Variants in DNAH17 observed in about 807,000 individuals in gnomAD.
DNAH17 encodes the protein dynein axonemal heavy chain 17, also known as axonemal beta dynein heavy chain 17.
A neutral mutation model predicts 485.6 loss-of-function variants in DNAH17; 376 were observed. The ratio of observed to expected loss-of-function variants is 0.77; its 90% CI spans 0.71 to 0.84. The LOEUF (loss-of-function observed/expected upper bound fraction) is 0.84. Ranked by LOEUF, DNAH17 falls within the 40% of genes least tolerant of loss-of-function variation. DNAH17 has a pLI of 0.00. For synonymous variants in DNAH17, 3,031 were observed against 2,405.9 expected (o/e 1.26, Z -7.60); for missense variants, 6,370 against 5,839.3 (o/e 1.09, Z -2.96).
intron 33 of DNAH17, 67 bp from the exon 34 acceptor site, chr17:78,501,940 G>T: frequency 6.3e-7 from 1 of 1,599,320 alleles, no homozygotes; most frequent in Non-Finnish European, 8.5e-7. Context: ...TCTTGTGGCT[G>T]GGTGCCCACA....
chr17:78,466,743 C>G lies in DNAH17; in HGVS notation c.8852G>C (p.Cys2951Ser). ...CTCGTGGAACCAGTCGATGGCCGTG[C>G]AGTTGACCACAGCTGGGAACTTTCT... ...RARKFPAVVN[C>S]TAIDWFHEWP... is the part of the protein sequence containing the mutation. The change falls in exon 56 of 81, where the codon TGC becomes TCC. Residue 2951 changes from cysteine (C) to serine (S), a missense_variant. Coordinates refer to ENST00000389840, the MANE Select transcript of DNAH17 (RefSeq NM_173628.4). The G allele has an allele frequency of 6.2e-7, 1 of 1,612,568 alleles. No individual in the cohort carries two copies. Among genetic ancestry groups the G allele is most frequent in the African/African-American group, 1.3e-5 (1 of 74,952 alleles).
intron 72 of DNAH17, among the ~76,000 whole-genome samples, chr17:78,439,717 T>C (rs1012885525): frequency 7.1e-6 from 1 of 140,092 alleles, no homozygotes; most frequent in Non-Finnish European, 1.5e-5. Context: ...TCGCCCAGGC[T>C]GGAGTGCAGT....
At chr17:78,442,410 A>G (rs1453555610) in intron 71 of DNAH17, among the ~76,000 whole-genome samples, 1 of 152,204 alleles carries the variant, frequency 6.6e-6, no homozygotes, top group Middle Eastern at 3.2e-3. Flanking sequence ...GCCTCAGGCA[A>G]GGGTGGGGAG....
At chr17:78,424,223 G>T in intron 80 of DNAH17, 70 bp from the exon 81 acceptor site, 2 of 1,536,232 alleles carry the variant, frequency 1.3e-6, no homozygotes, top group South Asian at 1.2e-5. Flanking sequence ...CAGGAAGGGT[G>T]GGGTCCTCAC....
chr17:78,458,056 G>A (rs984424041), intron 62 of DNAH17, among the ~76,000 whole-genome samples: 3 of 152,042 alleles, frequency 2.0e-5, no homozygotes, highest in Non-Finnish European at 2.9e-5. Flanking sequence ...CGCCTGCCTC[G>A]GCCTCCCAAA....
In DNAH17 at chr17:78,445,511, T is replaced by C. The variant is rs1043160067; in HGVS notation, c.11334+47A>G. ...ATCCGCAGCATCAGCTGGAGGGGGC[T>C]CCACGGCGGGGAGAAAGCACAACGT... is the stretch of plus-strand genomic sequence containing the variant. On this transcript the variant is annotated intron_variant, in intron 70 of 80. Coordinates refer to ENST00000389840, the MANE Select transcript of DNAH17 (RefSeq NM_173628.4). 6.5e-6 allele frequency: 10 copies of C among 1,547,118 alleles called. No individual in the cohort carries two copies. In the Admixed American group the frequency reaches 2.0e-4, roughly 30 times the overall value.
At chr17:78,530,594 T>G in intron 20 of DNAH17, 82 bp from the exon 21 acceptor site, 1 of 1,480,860 alleles carries the variant, frequency 6.8e-7, no homozygotes, top group Non-Finnish European at 9.1e-7. Context: ...TCCAGGGCCT[T>G]CCTGCACTGC....
In DNAH17 at chr17:78,551,586, G is replaced by A. The variant is rs1231971044; in HGVS notation, c.2340C>T (p.Asn780=). The change falls in exon 16 of 81, where the codon AAC becomes AAT. Residue 780 remains asparagine (N), a synonymous_variant. Transcript: ENST00000389840. ...TATTTTGTTTTGCCTTTTGCATCCT[G>A]TTCTGCAAGTTGTGCAGAATTTCTC... is the stretch of plus-strand genomic sequence containing the variant. ...EVREILHNLQ[N]RMQKAKQNIE... 1.2e-6 allele frequency: 2 copies of A among 1,614,022 alleles called. No homozygotes were observed. The highest frequency in any genetic ancestry group is 1.7e-6 in the Non-Finnish European group (2 of 1,179,898).
chr17:78,468,449 T>C (rs2088589428), intron 55 of DNAH17, among the ~76,000 whole-genome samples, 168 bp downstream of exon 55: 1 of 152,088 alleles, frequency 6.6e-6, no homozygotes, highest in Non-Finnish European at 1.5e-5. Flanking sequence ...TGAAAAAGTC[T>C]CCAGGCTCCG....
chr17:78,531,166 T>C (rs1323331798), intron 20 of DNAH17, among the ~76,000 whole-genome samples: 2 of 152,088 alleles, frequency 1.3e-5, no homozygotes, highest in African/African-American at 4.8e-5. Flanking sequence ...ACTGTTACTG[T>C]ACTGGGGTCT....
At chr17:78,528,605 G>A (rs952053263) in intron 22 of DNAH17, among the ~76,000 whole-genome samples, 10 of 152,000 alleles carry the variant, frequency 6.6e-5, no homozygotes, top group Admixed American at 5.9e-4. Flanking sequence ...GGGGTGGACG[G>A]GCTGGGAGGA....
intron 63 of DNAH17, 132 bp from the exon 64 acceptor site, chr17:78,454,837 A>G: frequency 1.4e-6 from 1 of 728,074 alleles, no homozygotes; most frequent in Non-Finnish European, 2.3e-6. Flanking sequence ...GGGAGAAGCC[A>G]GCCATTTCCA....
intron 14 of DNAH17, among the ~76,000 whole-genome samples, chr17:78,557,132 C>A (rs893291840): frequency 2.6e-5 from 4 of 152,182 alleles, no homozygotes; most frequent in African/African-American, 7.2e-5. Flanking sequence ...AAAAGGAGTT[C>A]TTGAACCAAA....
chr17:78,550,043 C>G (rs2091863948), intron 16 of DNAH17, among the ~76,000 whole-genome samples: 1 of 152,168 alleles, frequency 6.6e-6, no homozygotes, highest in Non-Finnish European at 1.5e-5. Context: ...CGTGCAGAGA[C>G]AGACAAGAGA....
intron 50 of DNAH17, 67 bp from the exon 51 acceptor site, chr17:78,479,183 A>C: frequency 1.9e-5 from 29 of 1,506,066 alleles, no homozygotes; most frequent in Non-Finnish European, 2.6e-5. Flanking sequence ...GCAAGCCTCA[A>C]GTTTCTAAAG....
intron 18 of DNAH17, 37 bp from the exon 19 acceptor site, chr17:78,537,518 C>T: frequency 6.2e-7 from 1 of 1,605,476 alleles, no homozygotes; most frequent in Non-Finnish European, 8.5e-7. Flanking sequence ...GTCAACACCT[C>T]TGTCCTCCAT....
intron 13 of DNAH17, 45 bp downstream of exon 13, chr17:78,560,695 C>G (rs182987220): frequency 9.5e-5 from 142 of 1,500,484 alleles, no homozygotes; most frequent in Middle Eastern, 4.6e-4. Context: ...GCCCTCCCCC[C>G]GCTCCCAAGG....
At chr17:78,559,809 G>A (rs542443119) in intron 13 of DNAH17, among the ~76,000 whole-genome samples, 29 of 151,840 alleles carry the variant, frequency 1.9e-4, no homozygotes, top group Non-Finnish European at 3.7e-4. Flanking sequence ...CTTCCCCTTT[G>A]CCCATTCCCC....
intron 54 of DNAH17, among the ~76,000 whole-genome samples, chr17:78,473,623 C>T (rs2088874369): frequency 6.6e-6 from 1 of 150,810 alleles, no homozygotes; most frequent in South Asian, 2.1e-4. Flanking sequence ...TGAAATTCCA[C>T]AGCCCAGATC....
Sources: allele counts gnomAD v4.1 joint callset (sites outside exome capture counted in the v4.1 genomes callset), GRCh38; gene constraint gnomAD v4.1.1; transcripts MANE v1.5; gene names NCBI Gene and HGNC (gene_info 2026-07-23, HGNC 2026-07-21).